The following SLC25A28 variants were observed in gnomAD, a reference collection of about 807,000 sequenced individuals.
The protein encoded by SLC25A28 is mitoferrin-2.
A neutral mutation model predicts 31.9 loss-of-function variants in SLC25A28; 10 were observed. The ratio of observed to expected loss-of-function variants is 0.31; its 90% CI spans 0.19 to 0.53. SLC25A28 has a LOEUF of 0.53. Ranked by LOEUF, SLC25A28 falls within the 20% of genes least tolerant of loss-of-function variation. The probability of loss-of-function intolerance (pLI) is 0.95; values close to 1 mark genes in which losing one functional copy is unlikely to be tolerated. For missense variants in SLC25A28, 256 were observed against 490.3 expected, an observed-to-expected ratio of 0.52 and a Z score of 4.51; for synonymous variants, 208 against 203.6, an observed-to-expected ratio of 1.02 and a Z score of -0.19.
At chr10:99,619,956 T>C in intron 1 of SLC25A28, 89 bp downstream of exon 1, 1 of 1,348,400 alleles carries the variant, frequency 7.4e-7, no homozygotes, top group Non-Finnish European at 9.7e-7. Flanking sequence ...CCATGTCGGC[T>C]CCGGCTCTCA....
In SLC25A28 at chr10:99,613,996, G is replaced by C. The variant is rs2034591993; in HGVS notation, c.292-72C>G. ...TCGCCCCACCTCAACACACTGGGCA[G>C]ACCTTCTACATGGAGCTGTGCCAAT... On this transcript the variant is annotated intron_variant, in intron 1 of 3. Transcript: ENST00000370495. This position sits in a 1 kb window ranked among gnomAD's most constrained non-coding sequence, Gnocchi z 4.9. 2 of 1,467,788 alleles carry C rather than the reference G, an allele frequency of 1.4e-6. No homozygotes were observed. Among genetic ancestry groups the C allele is most frequent in the Non-Finnish European group, 1.8e-6 (2 of 1,104,754 alleles). 90.9% of individuals were successfully genotyped at this position (1,467,788 alleles called of 1,614,324 possible). A position where few individuals can be genotyped will look rare whatever the true frequency, so the allele number is the denominator to read the frequency against.
chr10:99,619,998 G>A, intron 1 of SLC25A28, 47 bp downstream of exon 1: 1 of 1,517,626 alleles, frequency 6.6e-7, no homozygotes, highest in Non-Finnish European at 8.8e-7. Context: ...AAGACCCAGG[G>A]GTCGGGTCAG....
In SLC25A28 at chr10:99,612,765, A is replaced by G. The variant is rs180898187; in HGVS notation, c.521-166T>C. On this transcript the variant is annotated intron_variant, in intron 2 of 3. Transcript: ENST00000370495. ...CACTGCTCCTAAACTCCTGTTTAAGAAGGTAAAGTATCTGTTCCCACCAAC... is the reference window on the plus strand; with the variant it reads ...CACTGCTCCTAAACTCCTGTTTAAGGAGGTAAAGTATCTGTTCCCACCAAC... The G allele has an allele frequency of 2.2e-5, 16 of 717,922 alleles. No individual in the cohort carries two copies. In the South Asian group the frequency reaches 2.6e-4, roughly 12 times the overall value. The allele number at this position is 717,922 out of a possible 1,614,324, so 44.5% of individuals were successfully genotyped here.
At chr10:99,616,366 T>C (rs2034655088) in intron 1 of SLC25A28, 12 of 818,976 alleles carry the variant, frequency 1.5e-5, no homozygotes, top group Non-Finnish European at 1.8e-5. Flanking sequence ...AGGGCTGTTG[T>C]GGGGATTAAA....
chr10:99,620,038 G>T lies in SLC25A28; in HGVS notation c.291+7C>A. 1 of 1,572,674 alleles carries T rather than the reference G, an allele frequency of 6.4e-7. No homozygotes were observed. Among genetic ancestry groups the T allele is most frequent in the Non-Finnish European group, 8.6e-7 (1 of 1,166,432 alleles). On this transcript the variant is annotated splice_region_variant and intron_variant, in intron 1 of 3. Coordinates refer to ENST00000370495, the MANE Select transcript of SLC25A28 (RefSeq NM_031212.4). ...AGGTCGGGTTCGAAGCCGGGTGCAG[G>T]TCTCACCTTGACGCAGTCGATGGGG...
At position 99,612,639 on chromosome 10, in the gene SLC25A28, G is replaced by A. The variant is rs1180397388; in HGVS notation, c.521-40C>T. On this transcript the variant is annotated intron_variant, in intron 2 of 3. Coordinates refer to ENST00000370495, the MANE Select transcript of SLC25A28 (RefSeq NM_031212.4). ...ACAACTGCCACATGTAAGGCCAAGA[G>A]AGCTGACCAACTCATTGAGGTCCCC... 3.7e-6 allele frequency: 6 copies of A among 1,613,572 alleles called. No individual in the cohort carries two copies. In the South Asian group the frequency reaches 6.6e-5, roughly 18 times the overall value.
chr10:99,631,878 A>ATTGTTTT, the SLC25A28 span, among the ~76,000 whole-genome samples: 1 of 92,902 alleles, frequency 1.1e-5, no homozygotes, highest in Non-Finnish European at 2.0e-5. Flanking sequence ...TCAGTATGTT[A>ATTGTTTT]TTTTTTTTTT....
intron 1 of SLC25A28, among the ~76,000 whole-genome samples, chr10:99,615,270 G>T (rs887040854): frequency 6.7e-6 from 1 of 149,582 alleles, no homozygotes; most frequent in African/African-American, 2.5e-5. Context: ...AGAATCGCTT[G>T]AACCTGTGAG....
the SLC25A28 span, among the ~76,000 whole-genome samples, chr10:99,628,342 T>C: frequency 2.0e-5 from 3 of 152,384 alleles, no homozygotes; most frequent in Admixed American, 6.5e-5. Flanking sequence ...ATGGGGAAAG[T>C]ACATGTTTAC....
chr10:99,634,175 G>A, the SLC25A28 span, among the ~76,000 whole-genome samples: 1 of 152,190 alleles, frequency 6.6e-6, no homozygotes, highest in Non-Finnish European at 1.5e-5. Flanking sequence ...CCTTCCCTCT[G>A]GCAGAGCCTA....
chr10:99,629,331 GCTT>G, the SLC25A28 span, among the ~76,000 whole-genome samples: 3 of 152,134 alleles, frequency 2.0e-5, no homozygotes, highest in Non-Finnish European at 4.4e-5. Context: ...CTGGTTCCCT[GCTT>G]CTTGTATAAC....
chr10:99,620,545 G>C (rs1421576349), upstream of SLC25A28: 4 of 1,030,224 alleles, frequency 3.9e-6, no homozygotes, highest in Non-Finnish European at 1.2e-6. Flanking sequence ...AAAATCAGCC[G>C]GTAGTATTAG....
At chr10:99,655,769 A>T in the SLC25A28 span, among the ~76,000 whole-genome samples, 1 of 152,266 alleles carries the variant, frequency 6.6e-6, no homozygotes, top group South Asian at 2.1e-4. Flanking sequence ...ATATTTTGTG[A>T]GGGTATGGGC....
chr10:99,642,874 A>G, the SLC25A28 span, among the ~76,000 whole-genome samples: 1 of 152,194 alleles, frequency 6.6e-6, no homozygotes, highest in East Asian at 1.9e-4. Context: ...ATGTTTATTA[A>G]TTTGCATATG....
intron 1 of SLC25A28, chr10:99,617,067 C>T (rs1406003066): frequency 1.0e-6 from 1 of 985,318 alleles, no homozygotes; most frequent in Non-Finnish European, 1.2e-6. Flanking sequence ...CTCTTCCCCT[C>T]TTTATTATAT....
chr10:99,618,293 A>G, intron 1 of SLC25A28: 1 of 984,828 alleles, frequency 1.0e-6, no homozygotes, highest in South Asian at 4.7e-5. Flanking sequence ...GGTTAAATTG[A>G]TAAGTTACAG....
the SLC25A28 span, among the ~76,000 whole-genome samples, chr10:99,631,628 G>C: frequency 6.6e-6 from 1 of 152,004 alleles, no homozygotes; most frequent in Non-Finnish European, 1.5e-5. Context: ...CTCATCTCTT[G>C]ACTCATCCCA....
At chr10:99,639,605 C>A in the SLC25A28 span, among the ~76,000 whole-genome samples, 127,421 of 151,666 alleles carry the variant, frequency 0.84, 53,767 homozygotes, top group Middle Eastern at 0.92. Flanking sequence ...ATAACTCTTA[C>A]TCAACCTCAT....
upstream of SLC25A28, among the ~76,000 whole-genome samples, chr10:99,624,570 C>T (rs1463735251): frequency 6.6e-6 from 1 of 152,184 alleles, no homozygotes; most frequent in Non-Finnish European, 1.5e-5. Flanking sequence ...CACGGTGGCT[C>T]ATGCTTGTAA....
Sources: gnomAD v4.1 joint callset for allele counts (sites outside exome capture counted in the v4.1 genomes callset) on GRCh38, gnomAD v4.1.1 for gene constraint, Gnocchi (gnomAD v3.1) non-coding constraint, MANE v1.5 for transcripts, NCBI Gene and HGNC (gene_info 2026-07-23, HGNC 2026-07-21) for gene names.